The following PTPRM variants were observed in gnomAD, a reference collection of about 807,000 sequenced individuals.
PTPRM encodes protein tyrosine phosphatase receptor type M, also known as receptor-type tyrosine-protein phosphatase mu.
Under a neutral mutation model 186.7 loss-of-function variants are expected in PTPRM, and 47 were observed. The observed-to-expected ratio is 0.25, with a 90% CI of 0.20 to 0.32. The LOEUF is 0.32. Among genes scored for constraint, PTPRM ranks in the 10% least tolerant of loss-of-function variants. The pLI is 1.00. For synonymous variants in PTPRM, 668 were observed against 674.9 expected, an observed-to-expected ratio of 0.99 and a Z score of 0.16; for missense variants, 1,494 against 1,865.0, an observed-to-expected ratio of 0.80 and a Z score of 3.66.
chr18:8,210,235 C>T (rs577956820), intron 14 of PTPRM, among the ~76,000 whole-genome samples: 2 of 151,974 alleles, frequency 1.3e-5, no homozygotes, highest in Non-Finnish European at 2.9e-5. Context: ...CTATTGAACC[C>T]GGGAGGCGGA....
At chr18:8,146,911 T>C (rs1268333078) in intron 14 of PTPRM, among the ~76,000 whole-genome samples, 2 of 152,230 alleles carry the variant, frequency 1.3e-5, no homozygotes, top group African/African-American at 4.8e-5. Flanking sequence ...TAGGGAATCT[T>C]TTCCCCATTG....
At chr18:8,281,343 A>T (rs2094901678) in intron 19 of PTPRM, among the ~76,000 whole-genome samples, 1 of 152,100 alleles carries the variant, frequency 6.6e-6, no homozygotes, top group Non-Finnish European at 1.5e-5. Flanking sequence ...CTTCCTCTAG[A>T]AGTGTTTTGT....
intron 1 of PTPRM, among the ~76,000 whole-genome samples, chr18:7,763,762 G>A (rs1365843450): frequency 6.6e-6 from 1 of 152,146 alleles, no homozygotes; most frequent in African/African-American, 2.4e-5. Context: ...ATCAATGTCT[G>A]GTGAAAATAA....
intron 14 of PTPRM, among the ~76,000 whole-genome samples, chr18:8,209,790 A>C (rs771132038): frequency 2.8e-4 from 42 of 151,930 alleles, no homozygotes; most frequent in Admixed American, 3.3e-4. Flanking sequence ...ACATGGACAC[A>C]GGGAGGCGAA....
intron 11 of PTPRM, among the ~76,000 whole-genome samples, chr18:8,093,971 TTTATAATAATTCAGTCC>T (rs2090890162): frequency 6.6e-6 from 1 of 152,188 alleles, no homozygotes; most frequent in Non-Finnish European, 1.5e-5. Context: ...TACATGCCAT[TTTATAATAATTCAGTCC>T]TTATAATTAT....
At chr18:7,901,255 A>G (rs2049663048) in intron 3 of PTPRM, among the ~76,000 whole-genome samples, 1 of 152,154 alleles carries the variant, frequency 6.6e-6, no homozygotes, top group Non-Finnish European at 1.5e-5. Context: ...AGGTGTACAT[A>G]ATGGAAAATT....
At chr18:8,075,430 G>T (rs2148477906) in intron 8 of PTPRM, among the ~76,000 whole-genome samples, 1 of 152,122 alleles carries the variant, frequency 6.6e-6, no homozygotes, top group Admixed American at 6.5e-5. Context: ...ATGTGATCAT[G>T]TGCCCCAAAA....
At chr18:7,712,517 G>A (rs1165489886) in intron 1 of PTPRM, among the ~76,000 whole-genome samples, 1 of 152,042 alleles carries the variant, frequency 6.6e-6, no homozygotes, top group African/African-American at 2.4e-5. Context: ...TGGAGAATGA[G>A]TTTGATGAAT....
At chr18:7,993,490 A>G (rs2083372130) in intron 7 of PTPRM, among the ~76,000 whole-genome samples, 1 of 152,146 alleles carries the variant, frequency 6.6e-6, no homozygotes, top group Admixed American at 6.6e-5. Context: ...GCATCAAGTC[A>G]CATGTAAGAG....
chr18:8,187,771 C>A (rs1025075060), intron 14 of PTPRM, among the ~76,000 whole-genome samples: 1 of 152,142 alleles, frequency 6.6e-6, no homozygotes, highest in Admixed American at 6.5e-5. Flanking sequence ...GGGTCTGGAA[C>A]CTTGGCCCAC....
At chr18:7,741,513 G>T (rs996274226) in intron 1 of PTPRM, 2 of 152,176 alleles carry the variant, frequency 1.3e-5, no homozygotes, top group African/African-American at 4.8e-5. Context: ...GATTTCTAAT[G>T]AAACTTTGTA....
chr18:7,688,264 T>A (rs2039654064), intron 1 of PTPRM, among the ~76,000 whole-genome samples: 1 of 152,136 alleles, frequency 6.6e-6, no homozygotes, highest in Non-Finnish European at 1.5e-5. Context: ...TTGTTCTTTG[T>A]CTTTCTGAAC....
intron 1 of PTPRM, among the ~76,000 whole-genome samples, chr18:7,662,880 G>A (rs1190380042): frequency 1.3e-5 from 2 of 151,974 alleles, no homozygotes; most frequent in East Asian, 3.9e-4. Flanking sequence ...AAAAAATTAA[G>A]AATTAAAAAA....
At chr18:7,788,056 G>A (rs192841959) in intron 2 of PTPRM, among the ~76,000 whole-genome samples, 24 of 152,224 alleles carry the variant, frequency 1.6e-4, no homozygotes, top group African/African-American at 4.6e-4. Context: ...CTTTGAAAAC[G>A]ACTGACCTAG....
intron 1 of PTPRM, among the ~76,000 whole-genome samples, chr18:7,601,503 G>A (rs1364296816): frequency 6.6e-6 from 1 of 152,190 alleles, no homozygotes; most frequent in Non-Finnish European, 1.5e-5. Flanking sequence ...CCCGTTCCGG[G>A]CCTCTCTCCT....
chr18:8,149,229 CT>C (rs749027154), intron 14 of PTPRM, among the ~76,000 whole-genome samples: 1 of 152,124 alleles, frequency 6.6e-6, no homozygotes, highest in Non-Finnish European at 1.5e-5. Context: ...TCTAATTGAT[CT>C]GTCTAATATT....
chr18:8,265,535 G>C (rs555522374), intron 19 of PTPRM, among the ~76,000 whole-genome samples: 1 of 152,278 alleles, frequency 6.6e-6, no homozygotes, highest in East Asian at 1.9e-4. Flanking sequence ...ATCTTCTCTG[G>C]AAGTTGATGA....
intron 27 of PTPRM, 69 bp from the exon 28 acceptor site, chr18:8,379,098 A>C: frequency 7.2e-7 from 1 of 1,381,926 alleles, no homozygotes; most frequent in Non-Finnish European, 9.7e-7. Flanking sequence ...GCATCTTTCG[A>C]AAACTGCACG....
rs554505761 is a variant in PTPRM, at chr18:7,952,047, T to TA, written c.838+2697dup. Among the ~76,000 whole-genome samples the TA allele has an allele frequency of 2.6e-5, 4 of 152,292 alleles. No homozygotes were observed. The East Asian group carries it at 5.8e-4, about 22-fold the overall frequency. On this transcript the variant is annotated intron_variant, in intron 6 of 32. Transcript: ENST00000580170. ...TAGCCACTTTTGATAACCAAGGACA[T>TA]AAAAATATTTCATATAATCTCCACA...
Sources: gnomAD v4.1 joint callset for allele counts (sites outside exome capture counted in the v4.1 genomes callset) on GRCh38, gnomAD v4.1.1 for gene constraint, MANE v1.5 for transcripts, NCBI Gene and HGNC (gene_info 2026-07-23, HGNC 2026-07-21) for gene names.